The following NRG1 variants were observed in gnomAD, a reference collection of about 807,000 sequenced individuals.
NRG1 encodes the protein pro-neuregulin-1, membrane-bound isoform.
NRG1 carries 18 observed loss-of-function variants against 63.8 expected under a neutral mutation model. The observed-to-expected ratio is 0.28, with a 90% CI of 0.19 to 0.42. NRG1 has a LOEUF of 0.42. NRG1 is among the 10% of genes least tolerant of loss of function. The probability of loss-of-function intolerance (pLI) is 1.00; values close to 1 mark genes in which losing one functional copy is unlikely to be tolerated. For missense variants in NRG1, 762 were observed against 814.7 expected (o/e 0.94, Z 0.79); for synonymous variants, 302 against 301.3 (o/e 1.00, Z -0.02).
chr8:32,140,408 G>T (rs1324441565), intron 1 of NRG1, among the ~76,000 whole-genome samples: 2 of 151,196 alleles, frequency 1.3e-5, no homozygotes, highest in Non-Finnish European at 2.9e-5. Context: ...TGTCATTCTT[G>T]GTTTCTCTTT....
chr8:32,009,804 C>T (rs1042848111), intron 1 of NRG1, among the ~76,000 whole-genome samples: 1 of 151,956 alleles, frequency 6.6e-6, no homozygotes, highest in Non-Finnish European at 1.5e-5. Context: ...CCAATATGCT[C>T]TACCAATGTC....
chr8:31,831,456 C>A (rs1002590944), intron 1 of NRG1, among the ~76,000 whole-genome samples: 2 of 152,112 alleles, frequency 1.3e-5, no homozygotes, highest in African/African-American at 4.8e-5. Flanking sequence ...GGGCATATAG[C>A]TTTGTGCTTT....
chr8:31,738,370 A>G (rs1375898439), intron 1 of NRG1, among the ~76,000 whole-genome samples: 2 of 152,126 alleles, frequency 1.3e-5, no homozygotes, highest in Non-Finnish European at 2.9e-5. Context: ...CTGAGTGTCT[A>G]TCACTACTTA....
intron 1 of NRG1, among the ~76,000 whole-genome samples, chr8:31,844,789 A>AT (rs34857073): frequency 0.14 from 21,375 of 149,460 alleles, 1,630 homozygotes; most frequent in Admixed American, 0.18. Flanking sequence ...GGCTTGGTGA[A>AT]TTTTTTTTTT....
intron 1 of NRG1, among the ~76,000 whole-genome samples, chr8:32,527,875 C>T (rs1831032839): frequency 6.6e-6 from 1 of 152,156 alleles, no homozygotes; most frequent in African/African-American, 2.4e-5. Flanking sequence ...TCTCACTCAG[C>T]ATATCCTGAC....
rs550946565 is a variant in NRG1 at position 32,348,940 on chromosome 8, T to C, written c.38-246888T>C. ...GACTTTGAGGACAAGATCCAAACAT[T>C]ATGCAACTTTATATCTTAGCAGAGT... is the stretch of plus-strand genomic sequence containing the variant. On this transcript the variant is annotated intron_variant, in intron 1 of 10. Coordinates refer to the NRG1 transcript ENST00000519301. Among the ~76,000 whole-genome samples the C allele has an allele frequency of 9.2e-5, 14 of 152,350 alleles. No homozygotes were observed. In the South Asian group the frequency reaches 2.9e-3, roughly 32 times the overall value.
intron 1 of NRG1, among the ~76,000 whole-genome samples, chr8:31,688,268 T>C (rs1809114819): frequency 6.6e-6 from 1 of 152,080 alleles, no homozygotes; most frequent in Admixed American, 6.5e-5. Context: ...TGGAAGATGA[T>C]TATTAGATCA....
At chr8:32,034,864 T>G (rs1818794031) in intron 1 of NRG1, among the ~76,000 whole-genome samples, 2 of 146,680 alleles carry the variant, frequency 1.4e-5, no homozygotes, top group African/African-American at 4.9e-5. Flanking sequence ...TAGCTAGTGG[T>G]CTATTTTTAA....
chr8:32,499,517 T>C (rs1827605633), intron 1 of NRG1, among the ~76,000 whole-genome samples: 1 of 152,002 alleles, frequency 6.6e-6, no homozygotes, highest in Non-Finnish European at 1.5e-5. Flanking sequence ...ACTCCATCTC[T>C]AATAAAGTCA....
At chr8:31,791,549 C>A (rs765968478) in intron 1 of NRG1, among the ~76,000 whole-genome samples, 33 of 152,168 alleles carry the variant, frequency 2.2e-4, no homozygotes, top group Admixed American at 1.8e-3. Flanking sequence ...CTAATGCTAT[C>A]TAATGTATTC....
chr8:32,325,316 A>C (rs975107329), intron 1 of NRG1, among the ~76,000 whole-genome samples: 1 of 152,204 alleles, frequency 6.6e-6, no homozygotes, highest in Admixed American at 6.5e-5. Context: ...GCACAATGGC[A>C]TTGATATCAA....
chr8:32,169,143 A>G (rs754086502), intron 1 of NRG1, among the ~76,000 whole-genome samples: 1 of 152,164 alleles, frequency 6.6e-6, no homozygotes, highest in African/African-American at 2.4e-5. Flanking sequence ...GGTACATCAC[A>G]CACCCATCTA....
chr8:32,732,419 A>AT (rs1381445239), intron 6 of NRG1, among the ~76,000 whole-genome samples: 5 of 151,820 alleles, frequency 3.3e-5, no homozygotes, highest in African/African-American at 1.2e-4. Context: ...TGTTGATGTG[A>AT]TTTTTTTTAA....
chr8:31,868,147 TACAC>T (rs1047085862), intron 1 of NRG1, among the ~76,000 whole-genome samples: 969 of 32,606 alleles, frequency 0.03, 4 homozygotes, highest in Middle Eastern at 0.13. Flanking sequence ...ACATACATCT[TACAC>T]ACACACACAC....
At chr8:31,911,554 G>C (rs1191623130) in intron 1 of NRG1, among the ~76,000 whole-genome samples, 2 of 152,174 alleles carry the variant, frequency 1.3e-5, no homozygotes, top group South Asian at 2.1e-4. Flanking sequence ...TGGGCACATA[G>C]AGGGGAGCAA....
chr8:32,057,576 T>C (rs566180523), intron 1 of NRG1, among the ~76,000 whole-genome samples: 1 of 152,276 alleles, frequency 6.6e-6, no homozygotes, highest in East Asian at 1.9e-4. Flanking sequence ...TCAGAGGTTT[T>C]TACCACTCCT....
chr8:32,037,715 C>G (rs530742668), intron 1 of NRG1, among the ~76,000 whole-genome samples: 40 of 152,292 alleles, frequency 2.6e-4, no homozygotes, highest in Non-Finnish European at 5.4e-4. Flanking sequence ...GAACTGTCCA[C>G]AGCTGCTGTG....
chr8:32,674,066 A>G (rs1437658745), intron 5 of NRG1, among the ~76,000 whole-genome samples: 3 of 152,166 alleles, frequency 2.0e-5, no homozygotes, highest in African/African-American at 7.2e-5. Context: ...TTTCCATAGG[A>G]GCATCTATTA....
At chr8:32,592,449 C>T (rs1842695166) in intron 1 of NRG1, among the ~76,000 whole-genome samples, 1 of 152,056 alleles carries the variant, frequency 6.6e-6, no homozygotes, top group Non-Finnish European at 1.5e-5. Flanking sequence ...CATTTACAGT[C>T]TTCTTTTGTT....
Sources: gnomAD v4.1 joint callset for allele counts (sites outside exome capture counted in the v4.1 genomes callset) on GRCh38, gnomAD v4.1.1 for gene constraint, MANE v1.5 for transcripts, NCBI Gene and HGNC (gene_info 2026-07-23, HGNC 2026-07-21) for gene names.